Variants in NXPH1 observed in about 807,000 individuals in gnomAD.
NXPH1 encodes the protein neurexophilin 1, also known as neurexophilin-1.
In NXPH1, 5 loss-of-function variants were observed where a neutral mutation model predicts 23.7. The ratio of observed to expected loss-of-function variants is 0.21; its 90% CI spans 0.11 to 0.44. The LOEUF is 0.44. Ranked by LOEUF, NXPH1 falls within the 20% of genes least tolerant of loss-of-function variation. The pLI is 0.99. For synonymous variants in NXPH1, 144 were observed against 122.2 expected, an observed-to-expected ratio of 1.18 and a Z score of -1.18; for missense variants, 324 against 321.6, an observed-to-expected ratio of 1.01 and a Z score of -0.06.
chr7:8,535,506 G>C (rs1183489131), intron 2 of NXPH1, among the ~76,000 whole-genome samples: 3 of 151,598 alleles, frequency 2.0e-5, no homozygotes, highest in Admixed American at 1.3e-4. Flanking sequence ...TTGGTGACTG[G>C]GATTAATTGG....
intron 2 of NXPH1, among the ~76,000 whole-genome samples, chr7:8,721,073 T>C (rs189750409): frequency 6.6e-6 from 1 of 152,308 alleles, no homozygotes; most frequent in Admixed American, 6.5e-5. Flanking sequence ...GGCAATAGGT[T>C]AAATTATGGT....
At chr7:8,555,168 C>A (rs1818337024) in intron 2 of NXPH1, among the ~76,000 whole-genome samples, 1 of 151,676 alleles carries the variant, frequency 6.6e-6, no homozygotes, top group Admixed American at 6.6e-5. Context: ...GGAGTGAATA[C>A]AGTTCACTGG....
At chr7:8,446,232 T>A (rs1816400228) in intron 2 of NXPH1, among the ~76,000 whole-genome samples, 2 of 152,216 alleles carry the variant, frequency 1.3e-5, no homozygotes, top group African/African-American at 4.8e-5. Flanking sequence ...ATTGTCTGTC[T>A]TAGTGCAGTG....
chr7:8,458,854 T>A (rs965332379), intron 2 of NXPH1, among the ~76,000 whole-genome samples: 1 of 152,148 alleles, frequency 6.6e-6, no homozygotes, highest in Non-Finnish European at 1.5e-5. Flanking sequence ...GTTGAAATGA[T>A]CTTGATAGAA....
intron 2 of NXPH1, among the ~76,000 whole-genome samples, chr7:8,561,678 A>G (rs1818448669): frequency 6.6e-6 from 1 of 151,676 alleles, no homozygotes; most frequent in African/African-American, 2.4e-5. Flanking sequence ...GCTGACAGTC[A>G]AAAGCCTTAG....
chr7:8,745,672 C>T (rs984235608), intron 2 of NXPH1, among the ~76,000 whole-genome samples: 1 of 151,672 alleles, frequency 6.6e-6, no homozygotes, highest in Non-Finnish European at 1.5e-5. Flanking sequence ...CCTGCCTCTG[C>T]CTCCCTAGTT....
intron 2 of NXPH1, among the ~76,000 whole-genome samples, chr7:8,686,923 G>A (rs1389763962): frequency 5.3e-5 from 8 of 152,062 alleles, no homozygotes; most frequent in Non-Finnish European, 2.9e-5. Flanking sequence ...TAATTTTGAT[G>A]CCTATAAGAA....
chr7:8,549,764 A>G (rs1034717955), intron 2 of NXPH1, among the ~76,000 whole-genome samples: 1 of 151,564 alleles, frequency 6.6e-6, no homozygotes, highest in Non-Finnish European at 1.5e-5. Context: ...ATCTGTTTTT[A>G]CAGAGGAGGA....
At chr7:8,497,359 T>A (rs1817355090) in intron 2 of NXPH1, among the ~76,000 whole-genome samples, 1 of 152,286 alleles carries the variant, frequency 6.6e-6, no homozygotes, top group Admixed American at 6.5e-5. Flanking sequence ...TGATTTATAA[T>A]CCTTTGGGTA....
At chr7:8,521,173 T>C (rs4556000) in intron 2 of NXPH1, among the ~76,000 whole-genome samples, 37,278 of 152,026 alleles carry the variant, frequency 0.25, 4,638 homozygotes, top group East Asian at 0.3. Context: ...GATGAATGTT[T>C]TGCACTTAAA....
At chr7:8,546,166 C>G (rs1304763169) in intron 2 of NXPH1, among the ~76,000 whole-genome samples, 1 of 151,310 alleles carries the variant, frequency 6.6e-6, no homozygotes, top group East Asian at 2.0e-4. Flanking sequence ...TGTTAAGTGT[C>G]AAGGAGATTG....
At chr7:8,478,640 C>T (rs1294048869) in intron 2 of NXPH1, among the ~76,000 whole-genome samples, 1 of 152,010 alleles carries the variant, frequency 6.6e-6, no homozygotes, top group Non-Finnish European at 1.5e-5. Context: ...TTTGAAACTA[C>T]ATAGTGAAAT....
At chr7:8,733,222 A>C (rs1029343857) in intron 2 of NXPH1, among the ~76,000 whole-genome samples, 2 of 152,098 alleles carry the variant, frequency 1.3e-5, no homozygotes, top group Non-Finnish European at 2.9e-5. Context: ...CCTTTTTTAT[A>C]GCTGCATAGT....
At chr7:8,641,097 A>G (rs1282028216) in intron 2 of NXPH1, among the ~76,000 whole-genome samples, 1 of 152,148 alleles carries the variant, frequency 6.6e-6, no homozygotes, top group East Asian at 1.9e-4. Context: ...GTCTTTAAAA[A>G]TATTTATTTA....
At chr7:8,615,411 G>A (rs1819713762) in intron 2 of NXPH1, among the ~76,000 whole-genome samples, 1 of 151,846 alleles carries the variant, frequency 6.6e-6, no homozygotes, top group Admixed American at 6.6e-5. Flanking sequence ...GGATTCGATG[G>A]GATAATTTAA....
intron 2 of NXPH1, among the ~76,000 whole-genome samples, chr7:8,592,760 C>A (rs147686436): frequency 6.6e-6 from 1 of 151,228 alleles, no homozygotes; most frequent in African/African-American, 2.4e-5. Flanking sequence ...GCAGTGTTCC[C>A]GTAATGCTTT....
chr7:8,672,962 C>T (rs1321272232), intron 2 of NXPH1, among the ~76,000 whole-genome samples: 1 of 152,122 alleles, frequency 6.6e-6, no homozygotes, highest in Non-Finnish European at 1.5e-5. Context: ...TGGAATCTTG[C>T]TTTATTACTT....
chr7:8,556,503 T>C (rs1175883175), intron 2 of NXPH1, among the ~76,000 whole-genome samples: 2 of 151,682 alleles, frequency 1.3e-5, no homozygotes, highest in African/African-American at 2.4e-5. Context: ...ACCAGGTTAC[T>C]TGTGCTTTCT....
chr7:8,515,766 C>T (rs185257702), intron 2 of NXPH1, among the ~76,000 whole-genome samples: 39 of 152,212 alleles, frequency 2.6e-4, no homozygotes, highest in Non-Finnish European at 2.9e-4. Context: ...TAGGCCTGAG[C>T]GTTTTAATCA....
Sources: gnomAD v4.1 joint callset for allele counts (sites outside exome capture counted in the v4.1 genomes callset) on GRCh38, gnomAD v4.1.1 for gene constraint, MANE v1.5 for transcripts, NCBI Gene and HGNC (gene_info 2026-07-23, HGNC 2026-07-21) for gene names.